SIK3: variants seen among roughly 807,000 people sequenced by gnomAD.
SIK3 encodes SIK family kinase 3.
SIK3 carries 28 observed loss-of-function variants against 144.2 expected under a neutral mutation model. The ratio of observed to expected loss-of-function variants is 0.19; its 90% confidence interval spans 0.14 to 0.27. The LOEUF (loss-of-function observed/expected upper bound fraction) is 0.27. Ranked by LOEUF, SIK3 falls within the 10% of genes least tolerant of loss-of-function variation. The pLI, the probability that SIK3 is intolerant of heterozygous loss-of-function variation, is 1.00. For synonymous variants in SIK3, 686 were observed against 676.3 expected (o/e 1.01, Z -0.22); for missense variants, 1,319 against 1,776.0 (o/e 0.74, Z 4.62).
chr11:116,850,965 T>C (rs1280946216), intron 21 of SIK3, among the ~76,000 whole-genome samples: 1 of 152,144 alleles, frequency 6.6e-6, no homozygotes, highest in Non-Finnish European at 1.5e-5. Flanking sequence ...GCCAAGACCA[T>C]GCCACTGCAC....
At chr11:117,067,907 C>T (rs1954089189) in intron 1 of SIK3, among the ~76,000 whole-genome samples, 1 of 152,034 alleles carries the variant, frequency 6.6e-6, no homozygotes, top group East Asian at 1.9e-4. Context: ...TCGCTTCAAC[C>T]CGGGAGGCGG....
intron 1 of SIK3, among the ~76,000 whole-genome samples, chr11:116,965,978 G>C (rs1022157642): frequency 6.6e-6 from 1 of 150,508 alleles, no homozygotes; most frequent in Non-Finnish European, 1.5e-5. Flanking sequence ...AGGACAGAAA[G>C]AGAATGTAGG....
At chr11:117,013,697 T>TAAAA (rs527997338) in intron 1 of SIK3, among the ~76,000 whole-genome samples, 3 of 148,196 alleles carry the variant, frequency 2.0e-5, no homozygotes, top group African/African-American at 7.4e-5. Context: ...CTTTTAGCTT[T>TAAAA]AAAAAAAAAA....
intron 1 of SIK3, among the ~76,000 whole-genome samples, chr11:116,971,486 A>G (rs1949762561): frequency 6.6e-6 from 1 of 152,248 alleles, no homozygotes; most frequent in Admixed American, 6.5e-5. Flanking sequence ...TATATTAAAC[A>G]TAAGCATAGT....
chr11:116,891,303 C>T lies in SIK3; in HGVS notation c.865+4950G>A, dbSNP rs140201930. Among the ~76,000 whole-genome samples the T allele has an allele frequency of 3.3e-4, 50 of 152,128 alleles. 1 individual carries two copies. The East Asian group carries it at 9.1e-3, about 28-fold the overall frequency. On this transcript the variant is annotated intron_variant, in intron 6 of 24. Transcript: ENST00000445177. ...CTGCACTCCAGCCTGGGTGACAGAG[C>T]GAGACTCCGTCTCAAAAAAAAGTCT...
chr11:116,965,153 A>G (rs1472451826), intron 1 of SIK3, among the ~76,000 whole-genome samples: 1 of 152,122 alleles, frequency 6.6e-6, no homozygotes, highest in Non-Finnish European at 1.5e-5. Context: ...ATAGAAGAGA[A>G]ATTTTTAAAG....
chr11:116,851,455 A>G (rs676234), intron 21 of SIK3, among the ~76,000 whole-genome samples: 22,201 of 152,172 alleles, frequency 0.15, 4,245 homozygotes, highest in African/African-American at 0.44. Context: ...ATGGTTTTCT[A>G]TAATGATTAA....
intron 14 of SIK3, chr11:116,868,673 ATGT>A (rs1591421603): frequency 6.5e-6 from 1 of 153,030 alleles, no homozygotes; most frequent in East Asian, 1.9e-4. Flanking sequence ...AGAAAAACTG[ATGT>A]TGTCCTTGGG....
rs962448786 is a variant in SIK3, at chr11:116,969,162, C to T, written c.274-12098G>A. ...AAAATTAGCTGGGCGTAGTGGCAGG[C>T]GCCTGTAGTCCCAGCTACTCGGGAG... On this transcript the variant is annotated intron_variant, in intron 1 of 24. Transcript: ENST00000445177. Among the ~76,000 whole-genome samples, 28 of 151,556 alleles carry T rather than the reference C, an allele frequency of 1.8e-4. No homozygotes were observed. In the East Asian group the frequency reaches 3.9e-3, roughly 21 times the overall value.
chr11:116,990,704 T>A (rs1565533020), intron 1 of SIK3, among the ~76,000 whole-genome samples: 3 of 152,134 alleles, frequency 2.0e-5, no homozygotes, highest in Non-Finnish European at 4.4e-5. Flanking sequence ...TGTCCTTGGG[T>A]ACCTTAAACT....
At chr11:117,073,091 G>C (rs1265628455) in intron 1 of SIK3, among the ~76,000 whole-genome samples, 1 of 152,126 alleles carries the variant, frequency 6.6e-6, no homozygotes, top group Non-Finnish European at 1.5e-5. Context: ...ACAGTCTTTA[G>C]TGGCAGCTAT....
At chr11:117,076,819 G>C (rs955364420) in intron 1 of SIK3, among the ~76,000 whole-genome samples, 2 of 152,078 alleles carry the variant, frequency 1.3e-5, no homozygotes, top group African/African-American at 2.4e-5. Flanking sequence ...GAGATTACAG[G>C]CATGAGCCAC....
rs1941712643 is a variant in SIK3, at chr11:116,843,804, G to A, written c.*1839C>T. The A allele has an allele frequency of 6.6e-6, 1 of 152,170 alleles. No individual in the cohort carries two copies. The highest frequency in any genetic ancestry group is 1.9e-4 in the East Asian group (1 of 5,186). The allele number at this position is 152,170 out of a possible 1,614,324, so 9.4% of individuals were successfully genotyped here. ...AGCCCCCTTCTGGTGAGTAGTTGGTGACCCCACCAAGTGGAGGGGAGACTG... is the reference window on the plus strand; with the variant it reads ...AGCCCCCTTCTGGTGAGTAGTTGGTAACCCCACCAAGTGGAGGGGAGACTG... On this transcript the variant is annotated 3_prime_UTR_variant, in exon 25 of 25. Coordinates refer to ENST00000445177, the MANE Select transcript of SIK3 (RefSeq NM_001366686.3).
At chr11:117,021,747 T>G (rs896669192) in intron 1 of SIK3, among the ~76,000 whole-genome samples, 2 of 151,736 alleles carry the variant, frequency 1.3e-5, no homozygotes, top group African/African-American at 4.8e-5. Flanking sequence ...GAGAATCCCC[T>G]AGGAACTCGA....
intron 1 of SIK3, among the ~76,000 whole-genome samples, chr11:116,995,920 T>C (rs773973554): frequency 1.3e-5 from 2 of 152,112 alleles, no homozygotes; most frequent in Non-Finnish European, 2.9e-5. Context: ...AAGGCTGAGA[T>C]GGGAGAATCA....
At chr11:116,896,133 G>A (rs1403785351) in intron 6 of SIK3, 120 bp downstream of exon 6, 1 of 1,387,454 alleles carries the variant, frequency 7.2e-7, no homozygotes, top group Non-Finnish European at 9.9e-7. Context: ...AGGTCAGCAA[G>A]CTGGAGTTAA....
chr11:116,984,437 C>T (rs760348898), intron 1 of SIK3, among the ~76,000 whole-genome samples: 36 of 152,186 alleles, frequency 2.4e-4, no homozygotes, highest in Non-Finnish European at 5.1e-4. Context: ...ACCCTATAAG[C>T]AGCATGCGTT....
chr11:117,093,919 T>C (rs1044974973), intron 1 of SIK3, among the ~76,000 whole-genome samples: 1 of 152,162 alleles, frequency 6.6e-6, no homozygotes, highest in Non-Finnish European at 1.5e-5. Flanking sequence ...AGGACTATTA[T>C]TATGTCCATA....
intron 1 of SIK3, among the ~76,000 whole-genome samples, chr11:117,087,337 G>A (rs1170446431): frequency 6.6e-6 from 1 of 152,016 alleles, no homozygotes; most frequent in African/African-American, 2.4e-5. Flanking sequence ...CAGCTACTAG[G>A]GAAGCTGAGG....
Sources: gnomAD v4.1 joint callset for allele counts (sites outside exome capture counted in the v4.1 genomes callset) on GRCh38, gnomAD v4.1.1 for gene constraint, MANE v1.5 for transcripts, NCBI Gene and HGNC (gene_info 2026-07-23, HGNC 2026-07-21) for gene names.